The following SIPA1L3 variants were observed in gnomAD, a reference collection of about 807,000 sequenced individuals.
SIPA1L3 encodes signal-induced proliferation-associated 1-like protein 3.
Under a neutral mutation model 150.1 loss-of-function variants are expected in SIPA1L3, and 59 were observed. That is an observed-to-expected ratio of 0.39 (90% CI 0.32 to 0.49). The LOEUF is 0.49. Ranked by LOEUF, SIPA1L3 falls within the 20% of genes least tolerant of loss-of-function variation. The pLI, the probability that SIPA1L3 is intolerant of heterozygous loss-of-function variation, is 0.86. For synonymous variants in SIPA1L3, 1,070 were observed against 1,077.6 expected (o/e 0.99, Z 0.14); for missense variants, 2,211 against 2,489.5 (o/e 0.89, Z 2.38).
chr19:38,197,689 T>C (rs898772669), intron 18 of SIPA1L3, among the ~76,000 whole-genome samples: 3 of 151,790 alleles, frequency 2.0e-5, no homozygotes, highest in East Asian at 3.9e-4. Context: ...GCCGCAATCC[T>C]GGCCCTTCTC....
rs1490313832 is a variant in SIPA1L3, at chr19:38,081,517, A to G, written c.-49A>G. 4.0e-6 allele frequency: 6 copies of G among 1,505,946 alleles called. No individual in the cohort carries two copies. Among genetic ancestry groups the G allele is most frequent in the Non-Finnish European group, 5.4e-6 (6 of 1,117,460 alleles). The allele number at this position is 1,505,946 out of a possible 1,614,324, so 93.3% of individuals were successfully genotyped here. On this transcript the variant is annotated 5_prime_UTR_variant, in exon 3 of 22. Transcript: ENST00000222345. ...GGCTGAGGGCTGGGGGACCCCATAG[A>G]GTGACACCACAGCGTACGGGGCCAG...
chr19:38,103,532 G>T (rs1295520285), intron 6 of SIPA1L3, among the ~76,000 whole-genome samples: 1 of 151,834 alleles, frequency 6.6e-6, no homozygotes, highest in Non-Finnish European at 1.5e-5. Flanking sequence ...GGAAGCTGAG[G>T]CAGGAGAATT....
Position 38,207,432 on chromosome 19 carries a change from A to G in SIPA1L3, c.*1192A>G, listed in dbSNP as rs1973244965. On this transcript the variant is annotated 3_prime_UTR_variant, in exon 22 of 22. Transcript: ENST00000222345. ...TAAAAGCAAACAGAAAAAGATATAT[A>G]TATATATATATATATATTTATTTTT... 1 of 147,468 alleles carries G rather than the reference A, an allele frequency of 6.8e-6. No individual in the cohort carries two copies. 9.1% of individuals were successfully genotyped at this position (147,468 alleles called of 1,614,324 possible).
intron 12 of SIPA1L3, 141 bp downstream of exon 12, chr19:38,142,851 C>G (rs1243861145): frequency 1.8e-6 from 2 of 1,087,278 alleles, no homozygotes; most frequent in Admixed American, 4.7e-5. Context: ...AGAGGAGCCC[C>G]ATGGGGTGGT....
At chr19:38,142,989 G>A (rs182957860) in intron 12 of SIPA1L3, among the ~76,000 whole-genome samples, 10 of 152,214 alleles carry the variant, frequency 6.6e-5, no homozygotes, top group South Asian at 4.1e-4. Context: ...TATCCAGCAC[G>A]GCCATGCATC....
chr19:38,064,012 G>T (rs1270009054), intron 2 of SIPA1L3, among the ~76,000 whole-genome samples: 1 of 152,170 alleles, frequency 6.6e-6, no homozygotes, highest in African/African-American at 2.4e-5. Context: ...CAGGCCCCTC[G>T]CCTGACTGCA....
intron 1 of SIPA1L3, among the ~76,000 whole-genome samples, chr19:38,025,390 G>C (rs1008560515): frequency 6.6e-6 from 1 of 152,192 alleles, no homozygotes; most frequent in Non-Finnish European, 1.5e-5. Context: ...GTAGAAAGTG[G>C]GGCCCTGGGA....
chr19:38,020,295 G>T (rs1968344488), intron 1 of SIPA1L3, among the ~76,000 whole-genome samples: 1 of 152,012 alleles, frequency 6.6e-6, no homozygotes, highest in South Asian at 2.1e-4. Flanking sequence ...CTCACTGTTA[G>T]TAATTTTTTT....
intron 2 of SIPA1L3, among the ~76,000 whole-genome samples, chr19:38,040,957 G>A (rs1000828032): frequency 2.6e-5 from 4 of 151,808 alleles, no homozygotes; most frequent in Non-Finnish European, 4.4e-5. Flanking sequence ...TAGAGACGGG[G>A]TTTCACCGTG....
intron 4 of SIPA1L3, among the ~76,000 whole-genome samples, chr19:38,096,876 C>T (rs1277647237): frequency 2.6e-5 from 4 of 152,152 alleles, no homozygotes; most frequent in African/African-American, 9.7e-5. Flanking sequence ...AAAAGGTGTT[C>T]GTGTGCACTG....
At chr19:37,962,343 C>T (rs1035810255) in intron 1 of SIPA1L3, among the ~76,000 whole-genome samples, 1 of 151,926 alleles carries the variant, frequency 6.6e-6, no homozygotes, top group Non-Finnish European at 1.5e-5. Context: ...GGGGTTTCCC[C>T]ATGTTGGCCA....
chr19:37,967,627 C>T (rs2046915915), intron 1 of SIPA1L3, among the ~76,000 whole-genome samples: 1 of 152,156 alleles, frequency 6.6e-6, no homozygotes, highest in Non-Finnish European at 1.5e-5. Context: ...AACTTTACTT[C>T]TGCAACAATC....
At chr19:37,975,452 C>T (rs1167694571) in intron 1 of SIPA1L3, among the ~76,000 whole-genome samples, 1 of 152,048 alleles carries the variant, frequency 6.6e-6, no homozygotes, top group Admixed American at 6.5e-5. Context: ...GGCTGCAAGT[C>T]GAGGCTCCCC....
chr19:38,029,249 A>G (rs1013806551), intron 2 of SIPA1L3, 93 bp downstream of exon 2: 3 of 152,198 alleles, frequency 2.0e-5, no homozygotes, highest in Non-Finnish European at 4.4e-5. Flanking sequence ...TATCAAGGGA[A>G]AAATGAAAGT....
chr19:37,911,873 ATC>A (rs1599784797), intron 1 of SIPA1L3, among the ~76,000 whole-genome samples: 2 of 151,948 alleles, frequency 1.3e-5, no homozygotes, highest in South Asian at 4.2e-4. Flanking sequence ...GATCGAGACC[ATC>A]CTGGCTAACA....
chr19:37,967,133 C>G (rs574440633), intron 1 of SIPA1L3, among the ~76,000 whole-genome samples: 19 of 152,218 alleles, frequency 1.2e-4, no homozygotes, highest in African/African-American at 4.6e-4. Context: ...ACCCCTCCCT[C>G]AGCTGCTGGT....
Position 38,001,270 on chromosome 19 carries a change from G to C in SIPA1L3, c.-378-27819G>C, listed in dbSNP as rs144340288. Among the ~76,000 whole-genome samples the C allele has an allele frequency of 1.0e-3, 155 of 151,992 alleles. 2 individuals are homozygous for C. In the East Asian group the frequency reaches 0.019, roughly 19 times the overall value. The stretch of plus-strand genomic sequence containing the variant: ...GGCCTATTAAATTTCTACCTAGAAA[G>C]TTCTTGATATCAAAGATGATCCCTC... On this transcript the variant is annotated intron_variant, in intron 1 of 21. Coordinates refer to ENST00000222345, the MANE Select transcript of SIPA1L3 (RefSeq NM_015073.3).
chr19:38,187,231 C>T (rs577241528), intron 16 of SIPA1L3, among the ~76,000 whole-genome samples: 1 of 152,092 alleles, frequency 6.6e-6, no homozygotes, highest in African/African-American at 2.4e-5. Context: ...ATGGGTGGAT[C>T]ACCTGAGGTC....
intron 18 of SIPA1L3, among the ~76,000 whole-genome samples, chr19:38,198,031 C>T (rs918936816): frequency 3.3e-5 from 5 of 152,346 alleles, no homozygotes; most frequent in African/African-American, 1.2e-4. Context: ...CCCTTGCTCA[C>T]CCTCTCCCAG....
Sources: gnomAD v4.1 joint callset for allele counts (sites outside exome capture counted in the v4.1 genomes callset) on GRCh38, gnomAD v4.1.1 for gene constraint, MANE v1.5 for transcripts, NCBI Gene and HGNC (gene_info 2026-07-23, HGNC 2026-07-21) for gene names.